The following GBP5 variants were observed in gnomAD, a reference collection of about 807,000 sequenced individuals.
GBP5 encodes the protein guanylate binding protein 5, also known as guanylate-binding protein 5.
In GBP5, 48 loss-of-function variants were observed where a neutral mutation model predicts 58.2. The observed-to-expected ratio is 0.83, with a 90% CI of 0.65 to 1.05. The LOEUF (loss-of-function observed/expected upper bound fraction) is 1.05, where lower values mean the gene tolerates loss of function less well. Ranked by LOEUF, GBP5 falls within the 50% of genes least tolerant of loss-of-function variation. GBP5 has a pLI of 0.00. For missense variants in GBP5, 714 were observed against 686.8 expected (o/e 1.04, Z -0.44); for synonymous variants, 248 against 251.8 (o/e 0.98, Z 0.14).
chr1:89,261,994 TC>T, intron 11 of GBP5: 1 of 553,564 alleles, frequency 1.8e-6, no homozygotes, highest in South Asian at 2.5e-5. Flanking sequence ...AACATAGATA[TC>T]ATCACTGTGT....
intron 7 of GBP5, 27 bp from the exon 8 acceptor site, chr1:89,264,993 T>C (rs766572232): frequency 1.9e-6 from 3 of 1,588,422 alleles, no homozygotes; most frequent in Non-Finnish European, 2.6e-6. Context: ...AACATTTATA[T>C]TATTTGCAAA....
rs535827199 is a variant in GBP5, at chr1:89,262,456, C to T, written c.1466-55G>A. The T allele has an allele frequency of 6.7e-6, 10 of 1,482,948 alleles. No homozygotes were observed. The East Asian group carries it at 2.1e-4, about 31-fold the overall frequency. 91.9% of individuals were successfully genotyped at this position (1,482,948 alleles called of 1,614,324 possible). On this transcript the variant is annotated intron_variant, in intron 10 of 11. Transcript: ENST00000370459. ...ATTAATGTGCCTCTTCCTTCTGCCT[C>T]CCACTTTTGTTTGTGATTGTTCCAA...
chr1:89,267,895 T>C (rs1650290540), intron 4 of GBP5, among the ~76,000 whole-genome samples: 1 of 152,172 alleles, frequency 6.6e-6, no homozygotes, highest in African/African-American at 2.4e-5. Context: ...TTCTAAAAAA[T>C]AGTGCTGTGA....
chr1:89,268,718 T>A lies in GBP5; in HGVS notation c.318+11A>T, dbSNP rs375651401. The A allele has an allele frequency of 3.0e-5, 49 of 1,613,378 alleles. No individual in the cohort carries two copies. Among genetic ancestry groups the A allele is most frequent in the Non-Finnish European group, 4.0e-5 (47 of 1,179,638 alleles). On this transcript the variant is annotated intron_variant, in intron 4 of 11. Coordinates refer to ENST00000370459, the MANE Select transcript of GBP5 (RefSeq NM_052942.5). ...GAGATTAGGAGGTTAAAAAAAGGAA[T>A]CCTTCCTTACCTTCTCTACATCTCC...
In GBP5 at chr1:89,266,388, T is replaced by C. The variant is rs201216517; in HGVS notation, c.826A>G (p.Met276Val). The C allele has an allele frequency of 1.2e-4, 196 of 1,613,452 alleles. No homozygotes were observed. The highest frequency in any genetic ancestry group is 2.9e-4 in the East Asian group (13 of 44,882). ...ATGCCACCTGGAAGAGTCTTGGTCA[T>C]AGAATGGCTAAAGATGTAGGAACAG... ...EFCSYIFSHS[M>V]TKTLPGGIMV... Residue 276 changes from methionine (M) to valine (V), a missense_variant, in exon 7 of 12, where the codon ATG becomes GTG. Physicochemically the swap from Met to Val is conservative, Grantham distance 21. Transcript: ENST00000370459.
Position 89,260,434 on chromosome 1 carries a change from C to T in GBP5, c.*270G>A. 1 of 277,958 alleles carries T rather than the reference C, an allele frequency of 3.6e-6. No individual in the cohort carries two copies. The highest frequency in any genetic ancestry group is 6.9e-6 in the Non-Finnish European group (1 of 145,400). The allele number at this position is 277,958 out of a possible 1,614,324, so 17.2% of individuals were successfully genotyped here. On this transcript the variant is annotated 3_prime_UTR_variant, in exon 12 of 12. Transcript: ENST00000370459. ...GAAAGCATCTCCTGATGAAACCATC[C>T]CAATATCACGCATAAATGAAGGCAG...
In GBP5 at chr1:89,266,372, G is replaced by A. The variant is rs1225027965; in HGVS notation, c.842C>T (p.Pro281Leu). 2 of 1,613,414 alleles carry A rather than the reference G, an allele frequency of 1.2e-6. No individual in the cohort carries two copies. Among genetic ancestry groups the A allele is most frequent in the Non-Finnish European group, 8.5e-7 (1 of 1,179,444 alleles). The change falls in exon 7 of 12, where the codon CCA (proline) becomes CTA (leucine). Residue 281 changes from proline to leucine, a missense_variant. By Grantham distance (98) the Pro-to-Leu change is moderately conservative. Coordinates refer to ENST00000370459, the MANE Select transcript of GBP5 (RefSeq NM_052942.5). ...AGATCCATTGACCATGATGCCACCT[G>A]GAAGAGTCTTGGTCATAGAATGGCT... ...IFSHSMTKTL[P>L]GGIMVNGSRL...
At chr1:89,265,024 C>T (rs893038524) in intron 7 of GBP5, 58 bp from the exon 8 acceptor site, 2 of 1,489,342 alleles carry the variant, frequency 1.3e-6, no homozygotes, top group South Asian at 1.2e-5. Flanking sequence ...ATGATTGATA[C>T]AGTAATTTCT....
chr1:89,263,555 C>T (rs182236721), intron 9 of GBP5, 181 bp downstream of exon 9: 16 of 542,762 alleles, frequency 2.9e-5, no homozygotes, highest in Admixed American at 6.1e-5. Context: ...AAATTCTGTG[C>T]GAGGAACACC....
intron 10 of GBP5, 104 bp from the exon 11 acceptor site, chr1:89,262,505 G>A (rs1041330112): frequency 1.8e-6 from 2 of 1,140,806 alleles, no homozygotes; most frequent in Non-Finnish European, 2.5e-6. Context: ...ATTCCCAGGG[G>A]TTGTTTTTCC....
chr1:89,262,980 AG>A, intron 9 of GBP5, 195 bp from the exon 10 acceptor site: 8 of 428,946 alleles, frequency 1.9e-5, no homozygotes, highest in South Asian at 1.4e-4. Context: ...GAGACTGGAG[AG>A]GCTTGTGGAA....
intron 2 of GBP5, 136 bp from the exon 3 acceptor site, chr1:89,269,710 A>C (rs1183618108): frequency 1.8e-6 from 1 of 543,562 alleles, no homozygotes; most frequent in African/African-American, 1.9e-5. Context: ...AAAGTTTTAA[A>C]ATAAAAAGAG....
At chr1:89,265,033 C>T in intron 7 of GBP5, 67 bp from the exon 8 acceptor site, 8 of 1,448,880 alleles carry the variant, frequency 5.5e-6, no homozygotes, top group Non-Finnish European at 7.6e-6. Context: ...ACAGTAATTT[C>T]TGAGAACGTA....
intron 6 of GBP5, 113 bp downstream of exon 6, chr1:89,266,844 G>T: frequency 1.5e-6 from 1 of 677,294 alleles, no homozygotes; most frequent in South Asian, 2.6e-5. Flanking sequence ...TTTTAGGAGA[G>T]CTGGGTGAAT....
At chr1:89,264,995 A>C (rs754056863) in intron 7 of GBP5, 29 bp from the exon 8 acceptor site, 31 of 1,583,798 alleles carry the variant, frequency 2.0e-5, no homozygotes, top group Admixed American at 1.0e-4. Context: ...CATTTATATT[A>C]TTTGCAAAGG....
At chr1:89,269,764 C>G (rs1650372281) in intron 2 of GBP5, 190 bp from the exon 3 acceptor site, 1 of 437,972 alleles carries the variant, frequency 2.3e-6, no homozygotes, top group African/African-American at 2.0e-5. Flanking sequence ...AAAGTAAGTC[C>G]TAGGCCCTTT....
Position 89,259,447 on chromosome 1 carries a change from T to C in GBP5, c.*1257A>G, listed in dbSNP as rs1189121500. ...AGGAAACATCTCACTGTCCACAGAATAGCAGCCTCCACCCAGTTGAAAGCT... is the reference window on the plus strand; with the variant it reads ...AGGAAACATCTCACTGTCCACAGAACAGCAGCCTCCACCCAGTTGAAAGCT... On this transcript the variant is annotated 3_prime_UTR_variant, in exon 12 of 12. Coordinates refer to ENST00000370459, the MANE Select transcript of GBP5 (RefSeq NM_052942.5). The C allele has an allele frequency of 6.6e-6, 1 of 152,204 alleles. No individual in the cohort carries two copies. Among genetic ancestry groups the C allele is most frequent in the Non-Finnish European group, 1.5e-5 (1 of 68,040 alleles). The allele number at this position is 152,204 out of a possible 1,614,324, so 9.4% of individuals were successfully genotyped here. A position where few individuals can be genotyped will look rare whatever the true frequency, so the allele number is the denominator to read the frequency against.
At position 89,268,723 on chromosome 1, in the gene GBP5, C is replaced by T. The variant is rs369385699; in HGVS notation, c.318+6G>A. On this transcript the variant is annotated splice_donor_region_variant and intron_variant, in intron 4 of 11. Transcript: ENST00000370459. ...TAGGAGGTTAAAAAAAGGAATCCTT[C>T]CTTACCTTCTCTACATCTCCCAGGC... 18 of 1,613,714 alleles carry T rather than the reference C, an allele frequency of 1.1e-5. No homozygotes were observed. The African/African-American group carries it at 2.0e-4, about 18-fold the overall frequency.
chr1:89,262,698 C>T lies in GBP5; in HGVS notation c.1450G>A (p.Glu484Lys). Residue 484 changes from glutamate to lysine, a missense_variant, in exon 10 of 12, where the codon GAA becomes AAA. By Grantham distance (56) the Glu-to-Lys change is moderately conservative. Coordinates refer to ENST00000370459, the MANE Select transcript of GBP5 (RefSeq NM_052942.5). ...TTCTTCTCACCTTTCTTCTTTTTTT[C>T]CGTCTCTGTGAGAGCCTGGTCAGTC... ...LQTDQALTET[E>K]KKKKEAQVKA... 6.2e-7 allele frequency: 1 copy of T among 1,601,216 alleles called. No individual in the cohort carries two copies. The highest frequency in any genetic ancestry group is 8.5e-7 in the Non-Finnish European group (1 of 1,169,780).
Sources: allele counts gnomAD v4.1 joint callset (sites outside exome capture counted in the v4.1 genomes callset), GRCh38; gene constraint gnomAD v4.1.1; transcripts MANE v1.5; gene names NCBI Gene and HGNC (gene_info 2026-07-23, HGNC 2026-07-21).